The following DNM2 variants were observed in gnomAD, a reference collection of about 807,000 sequenced individuals.
DNM2 encodes dynamin-2.
In DNM2, 15 loss-of-function variants were observed where a neutral mutation model predicts 99.0. That is an observed-to-expected ratio of 0.15 (90% CI 0.10 to 0.23). DNM2 has a LOEUF of 0.23. DNM2 is among the 10% of genes least tolerant of loss of function. The probability of loss-of-function intolerance (pLI) is 1.00; values close to 1 mark genes in which losing one functional copy is unlikely to be tolerated. For missense variants in DNM2, 742 were observed against 1,189.4 expected (o/e 0.62, Z 5.53); for synonymous variants, 525 against 481.2 (o/e 1.09, Z -1.19).
intron 12 of DNM2, among the ~76,000 whole-genome samples, chr19:10,804,601 T>G (rs1363979769): frequency 6.6e-6 from 1 of 152,062 alleles, no homozygotes; most frequent in Non-Finnish European, 1.5e-5. Flanking sequence ...GGTGGGAGAA[T>G]GACCTGAGCC....
intron 3 of DNM2, among the ~76,000 whole-genome samples, chr19:10,773,483 C>T (rs2071049145): frequency 7.0e-6 from 1 of 143,828 alleles, no homozygotes; most frequent in Non-Finnish European, 1.5e-5. Flanking sequence ...GAGTCTCGCT[C>T]TGTTGCCCAG....
At chr19:10,802,433 G>C (rs2072186748) in intron 12 of DNM2, 75 bp downstream of exon 12, 3 of 1,543,504 alleles carry the variant, frequency 1.9e-6, no homozygotes, top group Middle Eastern at 3.4e-4. Context: ...GACTGAGTTG[G>C]GATTCTCTGA....
rs140963588 is a variant in DNM2, at chr19:10,786,589, C to T, written c.875C>T (p.Ser292Leu). Reference sequence around the variant, plus strand: ...CAACTGACCAACCACATCCGGGAGTCGCTGCCGGCCCTACGTAGCAAACTA... The same window carrying T: ...CAACTGACCAACCACATCCGGGAGTTGCTGCCGGCCCTACGTAGCAAACTA... Reference protein sequence around the residue: ...NQQLTNHIRESLPALRSKLQS... With the variant: ...NQQLTNHIRELLPALRSKLQS... Residue 292 changes from serine to leucine, a missense_variant, in exon 7 of 21, where the codon TCG (serine) becomes TTG (leucine). Physicochemically the swap from Ser to Leu is moderately radical, Grantham distance 145. Around this residue, in one of 7 missense-constraint regions of DNM2, gnomAD observed 192 missense variants for 358.9 expected, o/e 0.54. Transcript: ENST00000389253. 1.2e-5 allele frequency: 19 copies of T among 1,614,034 alleles called. No individual in the cohort carries two copies. Among genetic ancestry groups the T allele is most frequent in the South Asian group, 2.2e-5 (2 of 91,090 alleles).
At chr19:10,759,696 C>T in intron 1 of DNM2, 42 bp from the exon 2 acceptor site, 1 of 1,612,786 alleles carries the variant, frequency 6.2e-7, no homozygotes. Context: ...GCCCCTCGAT[C>T]CGGACGCAAG....
Position 10,796,221 on chromosome 19 carries a change from G to T in DNM2, c.1196+782G>T. ...TAAGGTATTGCTCCCTCGGCAGGGT[G>T]ACTCCTGACCTTGTGGAAACGGGGG... On this transcript the variant is annotated intron_variant, in intron 9 of 20. Coordinates refer to ENST00000389253, the MANE Select transcript of DNM2 (RefSeq NM_001005361.3). This position sits in a 1 kb window ranked among gnomAD's most constrained non-coding sequence, Gnocchi z 5.6. The T allele has an allele frequency of 6.2e-7, 1 of 1,613,748 alleles. No homozygotes were observed. The highest frequency in any genetic ancestry group is 1.1e-5 in the South Asian group (1 of 91,026).
chr19:10,718,984 C>T (rs1477464207), intron 1 of DNM2, among the ~76,000 whole-genome samples: 1 of 152,152 alleles, frequency 6.6e-6, no homozygotes. Context: ...GCCGCCCATC[C>T]GTGCCCCTCA....
chr19:10,751,277 G>A (rs1260562065), intron 1 of DNM2, among the ~76,000 whole-genome samples: 1 of 152,106 alleles, frequency 6.6e-6, no homozygotes. Flanking sequence ...GGATCACACA[G>A]CACAGAGGTG....
In DNM2 at chr19:10,772,424, T is replaced by C. The variant is rs2071013009; in HGVS notation, c.236-55T>C. ...ACAAAGCATTTCTCCCCGCAGTCCA[T>C]GCGCACCCTGCCCACAGCTCTTTCT... On this transcript the variant is annotated intron_variant, in intron 2 of 20. Transcript: ENST00000389253. The surrounding 1 kb of genome is among the most constrained non-coding windows in gnomAD (Gnocchi z 4.9). The C allele has an allele frequency of 3.1e-6, 5 of 1,609,034 alleles. No homozygotes were observed. The highest frequency in any genetic ancestry group is 4.5e-5 in the East Asian group (2 of 44,834).
At chr19:10,759,252 A>T (rs1568283470) in intron 1 of DNM2, among the ~76,000 whole-genome samples, 1 of 152,054 alleles carries the variant, frequency 6.6e-6, no homozygotes, top group African/African-American at 2.4e-5. Flanking sequence ...CTTCCCCTCC[A>T]TTGGCAGTCA....
chr19:10,740,464 C>T (rs1403222592), intron 1 of DNM2, among the ~76,000 whole-genome samples: 2 of 152,080 alleles, frequency 1.3e-5, no homozygotes, highest in Non-Finnish European at 2.9e-5. Context: ...CAAGCTCCGC[C>T]TCCCAGGTTC....
At position 10,764,698 on chromosome 19, in the gene DNM2, C is replaced by T. The variant is rs184424803; in HGVS notation, c.235+4887C>T. The stretch of plus-strand genomic sequence containing the variant: ...CCTCAGAATCAAATCGAGCCTCCTT[C>T]TCAAGGCCTTGTGGCCCTTGCCAGT... On this transcript the variant is annotated intron_variant, in intron 2 of 20. Coordinates refer to ENST00000389253, the MANE Select transcript of DNM2 (RefSeq NM_001005361.3). The surrounding 1 kb of genome is among the most constrained non-coding windows in gnomAD (Gnocchi z 4.1). 2.7e-3 allele frequency among the ~76,000 whole-genome samples: 411 copies of T among 152,342 alleles called. No individual in the cohort carries two copies. Among genetic ancestry groups the T allele is most frequent in the Non-Finnish European group, 4.9e-3 (330 of 68,036 alleles).
At chr19:10,727,181 C>T (rs1043823128) in intron 1 of DNM2, among the ~76,000 whole-genome samples, 1 of 152,084 alleles carries the variant, frequency 6.6e-6, no homozygotes, top group African/African-American at 2.4e-5. Context: ...CAGATTTCTC[C>T]AAAGCTGCGC....
At chr19:10,777,926 T>C (rs1425841569) in intron 5 of DNM2, among the ~76,000 whole-genome samples, 1 of 151,630 alleles carries the variant, frequency 6.6e-6, no homozygotes, top group Non-Finnish European at 1.5e-5. Context: ...TTCCCAAAAG[T>C]GTGGAAAAAA....
intron 18 of DNM2, 79 bp from the exon 19 acceptor site, chr19:10,828,957 A>G (rs756070845): frequency 2.4e-5 from 35 of 1,447,560 alleles, no homozygotes; most frequent in Non-Finnish European, 3.1e-5. Flanking sequence ...GCCCTGTGAG[A>G]GATGTTTTTC....
chr19:10,817,502 C>T lies in DNM2; in HGVS notation c.1672-2478C>T, dbSNP rs1466514369. 6 of 457,992 alleles carry T rather than the reference C, an allele frequency of 1.3e-5. No homozygotes were observed. The highest frequency in any genetic ancestry group is 2.3e-5 in the Non-Finnish European group (5 of 222,136). The allele number at this position is 457,992 out of a possible 1,614,324, so 28.4% of individuals were successfully genotyped here. On this transcript the variant is annotated intron_variant, in intron 15 of 20. Coordinates refer to ENST00000389253, the MANE Select transcript of DNM2 (RefSeq NM_001005361.3). This position sits in a 1 kb window ranked among gnomAD's most constrained non-coding sequence, Gnocchi z 4.6. ...AGTCTGAACACTGGGTTGGCGGGGCCGGCTATCCATCCTGCAGAACCCCCC... is the reference window on the plus strand; with the variant it reads ...AGTCTGAACACTGGGTTGGCGGGGCTGGCTATCCATCCTGCAGAACCCCCC...
intron 6 of DNM2, 82 bp from the exon 7 acceptor site, chr19:10,786,482 C>G: frequency 6.2e-7 from 1 of 1,606,048 alleles, no homozygotes; most frequent in Non-Finnish European, 8.5e-7. Flanking sequence ...TGGTGTTGGC[C>G]CTTGGTTGGG....
chr19:10,787,265 G>A (rs1365600583), intron 7 of DNM2, among the ~76,000 whole-genome samples: 1 of 151,958 alleles, frequency 6.6e-6, no homozygotes, highest in African/African-American at 2.4e-5. Flanking sequence ...AGGAGATCGA[G>A]ACCATCCTGG....
chr19:10,729,185 A>AT lies in DNM2; in HGVS notation c.161+10782_161+10783insT, dbSNP rs1568265459. 2.6e-3 allele frequency among the ~76,000 whole-genome samples: 325 copies of AT among 124,448 alleles called. 4 individuals are homozygous for AT. Among genetic ancestry groups the AT allele is most frequent in the African/African-American group, 9.5e-3 (301 of 31,764 alleles). The allele number at this position is 124,448 out of a possible 152,430, so 81.6% of individuals were successfully genotyped here. A position where few individuals can be genotyped will look rare whatever the true frequency, so the allele number is the denominator to read the frequency against. The stretch of plus-strand genomic sequence containing the variant: ...GTCTCAAAAAAAAAAAAAAAAAAAA[A>AT]AAAAATATAAAAAATTAGCCAAGCA... On this transcript the variant is annotated intron_variant, in intron 1 of 20. Transcript: ENST00000389253.
rs56753835 is a variant in DNM2 at position 10,818,474 on chromosome 19, G to C, written c.1672-1506G>C. Among the ~76,000 whole-genome samples, 10,775 of 152,290 alleles carry C rather than the reference G, an allele frequency of 0.071. 397 individuals are homozygous for C. The highest frequency in any genetic ancestry group is 0.091 in the South Asian group (441 of 4,828). ...ATGAAATGGGAGGTGGCGGGGAAGT[G>C]GCTTGCCCGAGGGCACACGGCCAGG... is the stretch of plus-strand genomic sequence containing the variant. On this transcript the variant is annotated intron_variant, in intron 15 of 20. Transcript: ENST00000389253. The surrounding 1 kb of genome is among the most constrained non-coding windows in gnomAD (Gnocchi z 4.3).
Sources: allele counts gnomAD v4.1 joint callset (sites outside exome capture counted in the v4.1 genomes callset), GRCh38; gene constraint gnomAD v4.1.1; regional missense constraint gnomAD v4.1.1; non-coding constraint Gnocchi (gnomAD v3.1); transcripts MANE v1.5; gene names NCBI Gene and HGNC (gene_info 2026-07-23, HGNC 2026-07-21).